SCRG1: variants seen among roughly 807,000 people sequenced by gnomAD.
SCRG1 encodes stimulator of chondrogenesis 1.
Under a neutral mutation model 7.7 loss-of-function variants are expected in SCRG1, and 3 were observed. The observed-to-expected ratio is 0.39, with a 90% CI of 0.18 to 1.01. The LOEUF is 1.01. SCRG1 is among the 50% of genes least tolerant of loss of function. The pLI is 0.36. For missense variants in SCRG1, 110 were observed against 117.2 expected, an observed-to-expected ratio of 0.94 and a Z score of 0.28; for synonymous variants, 46 against 41.2, an observed-to-expected ratio of 1.12 and a Z score of -0.44.
rs529016970 is a variant in SCRG1, at chr4:173,389,571, A to C, written c.243-1176T>G. The C allele has an allele frequency of 2.4e-3, 456 of 186,598 alleles. 2 individuals are homozygous for C. The highest frequency in any genetic ancestry group is 0.011 in the African/African-American group (427 of 37,272). 11.6% of individuals were successfully genotyped at this position (186,598 alleles called of 1,614,324 possible). A position where few individuals can be genotyped will look rare whatever the true frequency, so the allele number is the denominator to read the frequency against. The stretch of plus-strand genomic sequence containing the variant: ...AACAAACAAACAAACAAACAAACAA[A>C]CAACCATAATTGCTGGGTCCTACCT... On this transcript the variant is annotated intron_variant, in intron 2 of 2. Transcript: ENST00000296506.
chr4:173,397,439 A>C (rs1739638097), intron 1 of SCRG1, among the ~76,000 whole-genome samples: 1 of 152,206 alleles, frequency 6.6e-6, no homozygotes, highest in Admixed American at 6.5e-5. Context: ...TGAGCAAGAG[A>C]AGCTTAGGTA....
chr4:173,396,519 G>A (rs948793629), intron 1 of SCRG1, among the ~76,000 whole-genome samples: 1 of 152,140 alleles, frequency 6.6e-6, no homozygotes, highest in Admixed American at 6.5e-5. Flanking sequence ...TCAATGCTGA[G>A]CTCACAGTAA....
the SCRG1 span, among the ~76,000 whole-genome samples, chr4:173,473,099 C>T: frequency 6.6e-6 from 1 of 152,156 alleles, no homozygotes; most frequent in Non-Finnish European, 1.5e-5. Flanking sequence ...AAAAGTAGCC[C>T]CCACTTAATG....
the SCRG1 span, among the ~76,000 whole-genome samples, chr4:173,449,508 C>T: frequency 3.6e-5 from 5 of 139,926 alleles, no homozygotes; most frequent in Admixed American, 1.6e-4. Context: ...ACAAAGTCAT[C>T]GTGTCTGTCT....
chr4:173,451,282 A>T, the SCRG1 span, among the ~76,000 whole-genome samples: 1 of 150,594 alleles, frequency 6.6e-6, no homozygotes, highest in Admixed American at 6.7e-5. Flanking sequence ...TATTCCCATA[A>T]TATAGATAAG....
chr4:173,441,306 AT>A, the SCRG1 span, among the ~76,000 whole-genome samples: 5 of 152,156 alleles, frequency 3.3e-5, no homozygotes, highest in African/African-American at 7.2e-5. Flanking sequence ...AGTCTCAAAC[AT>A]TTACTTTGTC....
chr4:173,444,868 A>G, the SCRG1 span, among the ~76,000 whole-genome samples: 33 of 151,988 alleles, frequency 2.2e-4, no homozygotes, highest in African/African-American at 7.7e-4. Flanking sequence ...CCTGGAGCCC[A>G]CTCTGTCCTG....
the SCRG1 span, among the ~76,000 whole-genome samples, chr4:173,479,440 TTTG>T: frequency 9.0e-5 from 13 of 144,224 alleles, no homozygotes; most frequent in East Asian, 4.4e-4. Context: ...TGTTTGTTTT[TTTG>T]TTTTTTTTTT....
At chr4:173,484,071 A>AC in the SCRG1 span, among the ~76,000 whole-genome samples, 4 of 95,164 alleles carry the variant, frequency 4.2e-5, no homozygotes, top group South Asian at 3.7e-4. Flanking sequence ...TATATAATAT[A>AC]CATGATATAA....
At chr4:173,422,189 C>A in the SCRG1 span, among the ~76,000 whole-genome samples, 1 of 152,200 alleles carries the variant, frequency 6.6e-6, no homozygotes, top group East Asian at 1.9e-4. Context: ...TGGACTGTTA[C>A]AGGATCTGGC....
chr4:173,439,201 C>T, the SCRG1 span, among the ~76,000 whole-genome samples: 3 of 152,238 alleles, frequency 2.0e-5, no homozygotes, highest in African/African-American at 4.8e-5. Context: ...ACACTTCCAA[C>T]GAGTCAGGAA....
At chr4:173,479,543 C>A in the SCRG1 span, among the ~76,000 whole-genome samples, 1 of 149,418 alleles carries the variant, frequency 6.7e-6, no homozygotes, top group Admixed American at 6.8e-5. Context: ...TGGGTTCAAG[C>A]GATTCTCCTG....
intron 1 of SCRG1, among the ~76,000 whole-genome samples, chr4:173,395,609 T>C (rs764325330): frequency 6.6e-6 from 1 of 152,258 alleles, no homozygotes; most frequent in Non-Finnish European, 1.5e-5. Context: ...TCATATCTTC[T>C]AAGAATCCTT....
At chr4:173,481,893 G>T in the SCRG1 span, among the ~76,000 whole-genome samples, 1 of 151,974 alleles carries the variant, frequency 6.6e-6, no homozygotes, top group Non-Finnish European at 1.5e-5. Flanking sequence ...TTGGGGAGTC[G>T]AAAGTTACAC....
chr4:173,492,444 C>A, the SCRG1 span, among the ~76,000 whole-genome samples: 1 of 152,100 alleles, frequency 6.6e-6, no homozygotes, highest in South Asian at 2.1e-4. Flanking sequence ...TAAACACCTG[C>A]AGAGTCTACA....
At chr4:173,407,856 G>A (rs1739946675), upstream of SCRG1, among the ~76,000 whole-genome samples, 1 of 152,098 alleles carries the variant, frequency 6.6e-6, no homozygotes, top group Non-Finnish European at 1.5e-5. Context: ...GCAGACCTGT[G>A]GTCTATGGAA....
chr4:173,473,644 G>A, the SCRG1 span, among the ~76,000 whole-genome samples: 2 of 152,132 alleles, frequency 1.3e-5, no homozygotes, highest in Non-Finnish European at 2.9e-5. Flanking sequence ...AAAGAGGCAG[G>A]GCTCAGTCGT....
the SCRG1 span, among the ~76,000 whole-genome samples, chr4:173,479,568 A>C: frequency 5.3e-5 from 8 of 151,466 alleles, no homozygotes; most frequent in African/African-American, 1.9e-4. Flanking sequence ...ATCCTTCGAA[A>C]TAGCTGGGAT....
chr4:173,477,753 TC>T, the SCRG1 span, among the ~76,000 whole-genome samples: 2 of 149,086 alleles, frequency 1.3e-5, no homozygotes, highest in African/African-American at 5.0e-5. Context: ...CTTCCTTCCT[TC>T]CTTCCTTCCT....
Sources: gnomAD v4.1 joint callset for allele counts (sites outside exome capture counted in the v4.1 genomes callset) on GRCh38, gnomAD v4.1.1 for gene constraint, MANE v1.5 for transcripts, NCBI Gene and HGNC (gene_info 2026-07-23, HGNC 2026-07-21) for gene names.